EXD2: variants seen among roughly 807,000 people sequenced by gnomAD.
EXD2 encodes exonuclease 3'-5' domain containing 2.
EXD2 carries 40 observed loss-of-function variants against 62.5 expected under a neutral mutation model. The ratio of observed to expected loss-of-function variants is 0.64; its 90% confidence interval spans 0.50 to 0.83. EXD2 has a LOEUF of 0.83. EXD2 is among the 40% of genes least tolerant of loss of function. The pLI, the probability that EXD2 is intolerant of heterozygous loss-of-function variation, is 0.00. For synonymous variants in EXD2, 239 were observed against 291.9 expected, an observed-to-expected ratio of 0.82 and a Z score of 1.85; for missense variants, 671 against 761.8, an observed-to-expected ratio of 0.88 and a Z score of 1.40.
chr14:69,220,114 T>C (rs955669184), intron 3 of EXD2, among the ~76,000 whole-genome samples: 1 of 152,034 alleles, frequency 6.6e-6, no homozygotes. Context: ...TATGCTGTTA[T>C]TGTGTTGAAA....
At chr14:69,207,507 T>G (rs2042645068) in intron 2 of EXD2, among the ~76,000 whole-genome samples, 1 of 152,052 alleles carries the variant, frequency 6.6e-6, no homozygotes, top group African/African-American at 2.4e-5. Flanking sequence ...AAAAAAAAAT[T>G]TAAAGTTATT....
At position 69,209,538 on chromosome 14, in the gene EXD2, T is replaced by G; in HGVS notation, c.68T>G (p.Val23Gly). The G allele has an allele frequency of 6.4e-7, 1 of 1,550,604 alleles. No homozygotes were observed. ...CTGGGTGTGGCTGTAGGGGGGTTTG[T>G]CCTCTGGAAAGGCATCCAGCGCCGC... Reference protein sequence around the residue: ...TLLGVAVGGFVLWKGIQRRRR... With the variant: ...TLLGVAVGGFGLWKGIQRRRR... Residue 23 changes from valine (V) to glycine (G), a missense_variant, in exon 3 of 10, where the codon GTC (valine) becomes GGC (glycine). Physicochemically the swap from Val to Gly is moderately radical, Grantham distance 109. Transcript: ENST00000685843.
intron 1 of EXD2, among the ~76,000 whole-genome samples, chr14:69,196,982 G>A (rs2042228604): frequency 6.6e-6 from 1 of 152,052 alleles, no homozygotes; most frequent in South Asian, 2.1e-4. Context: ...TTGTGGTTTG[G>A]ATTTGCATTT....
chr14:69,199,766 G>A (rs1300467407), intron 1 of EXD2, among the ~76,000 whole-genome samples: 1 of 152,168 alleles, frequency 6.6e-6, no homozygotes, highest in Non-Finnish European at 1.5e-5. Context: ...CAGGCATGGA[G>A]CTGTATCTAT....
chr14:69,201,620 C>G (rs936803432), intron 1 of EXD2, among the ~76,000 whole-genome samples: 2 of 151,284 alleles, frequency 1.3e-5, no homozygotes, highest in African/African-American at 4.9e-5. Context: ...AACTCTTGCT[C>G]CTGTTTGAAT....
Position 69,235,161 on chromosome 14 carries a change from T to A in EXD2, c.1049+130T>A, listed in dbSNP as rs1594781210. On this transcript the variant is annotated intron_variant, in intron 6 of 9. Transcript: ENST00000685843. Reference sequence around the variant, plus strand: ...GCAGCTCTCCCGGGGTTAATCTTGCTTTTTCTTTCCATCAGAGACATTTGG... The same window carrying A: ...GCAGCTCTCCCGGGGTTAATCTTGCATTTTCTTTCCATCAGAGACATTTGG... 6 of 743,634 alleles carry A rather than the reference T, an allele frequency of 8.1e-6. No homozygotes were observed. In the East Asian group the frequency reaches 1.7e-4, roughly 22 times the overall value. 46.1% of individuals were successfully genotyped at this position (743,634 alleles called of 1,614,324 possible). A position where few individuals can be genotyped will look rare whatever the true frequency, so the allele number is the denominator to read the frequency against.
chr14:69,231,387 T>C (rs1392990790), intron 5 of EXD2, among the ~76,000 whole-genome samples: 1 of 152,178 alleles, frequency 6.6e-6, no homozygotes, highest in Non-Finnish European at 1.5e-5. Context: ...AGATACGGTT[T>C]AGTACTCTTG....
intron 1 of EXD2, 71 bp downstream of exon 1, chr14:69,191,662 CAG>C (rs1432735584): frequency 6.6e-6 from 1 of 152,538 alleles, no homozygotes; most frequent in Non-Finnish European, 1.5e-5. Flanking sequence ...GCTTCCAGTG[CAG>C]ACTAAGAGGG....
chr14:69,221,376 T>C (rs2140279081), intron 3 of EXD2, among the ~76,000 whole-genome samples: 1 of 152,366 alleles, frequency 6.6e-6, no homozygotes. Context: ...TGAATAGTTA[T>C]AGAGCTATTA....
intron 3 of EXD2, among the ~76,000 whole-genome samples, chr14:69,220,474 G>A (rs1199760631): frequency 2.7e-5 from 4 of 146,426 alleles, no homozygotes; most frequent in Non-Finnish European, 6.0e-5. Flanking sequence ...GTTTCACTGT[G>A]GTCTCGATCT....
At chr14:69,193,318 C>T (rs1005653700) in intron 1 of EXD2, among the ~76,000 whole-genome samples, 1 of 152,192 alleles carries the variant, frequency 6.6e-6, no homozygotes, top group East Asian at 1.9e-4. Context: ...CTTGGCCTCC[C>T]GAAGTGATGG....
chr14:69,193,803 C>T (rs1364859408), intron 1 of EXD2, among the ~76,000 whole-genome samples: 1 of 151,874 alleles, frequency 6.6e-6, no homozygotes, highest in Non-Finnish European at 1.5e-5. Flanking sequence ...TTTTTGCTCT[C>T]GGGGTTATTT....
At chr14:69,231,026 C>T (rs893656068) in intron 5 of EXD2, among the ~76,000 whole-genome samples, 1 of 152,160 alleles carries the variant, frequency 6.6e-6, no homozygotes, top group Non-Finnish European at 1.5e-5. Flanking sequence ...CTCAAGTGAT[C>T]CACCCACCTC....
rs940146029 is a variant in EXD2, at chr14:69,224,514, C to T, written c.334-4302C>T. 1.8e-4 allele frequency among the ~76,000 whole-genome samples: 27 copies of T among 152,198 alleles called. 1 individual carries two copies. The highest frequency in any genetic ancestry group is 4.6e-4 in the African/African-American group (19 of 41,454). ...ATCACACCCCTACTACCTCCTGAGT[C>T]CAAGCTTCAAGTATCTCTCACCTGG... On this transcript the variant is annotated intron_variant, in intron 3 of 9. Transcript: ENST00000685843.
chr14:69,237,686 C>T lies in EXD2; in HGVS notation c.1404C>T (p.Tyr468=), dbSNP rs764363640. Residue 468 remains tyrosine (Y), a synonymous_variant, in exon 9 of 10, where the codon TAC becomes TAT. Transcript: ENST00000685843. ...CCTCCTGCCATGCCATTTCCAACTA[C>T]TATGACAACCATCTGAAGCAGCAGC... ...LCTSCHAISN[Y]YDNHLKQQLA... The T allele has an allele frequency of 2.5e-6, 4 of 1,614,108 alleles. No homozygotes were observed. In the Admixed American group the frequency reaches 5.0e-5, roughly 20 times the overall value.
At position 69,237,842 on chromosome 14, in the gene EXD2, G is replaced by A. The variant is rs1195995227; in HGVS notation, c.1560G>A (p.Lys520=). 6.2e-7 allele frequency: 1 copy of A among 1,613,068 alleles called. No homozygotes were observed. Among genetic ancestry groups the A allele is most frequent in the African/African-American group, 1.3e-5 (1 of 74,862 alleles). Residue 520 remains lysine, a synonymous_variant, in exon 9 of 10, where the codon AAG becomes AAA. Coordinates refer to ENST00000685843, the MANE Select transcript of EXD2 (RefSeq NM_001193360.2). The part of the protein sequence containing the change: ...LNAESLPTQR[K]EELLQALREF... ...CGGAGAGCCTGCCTACTCAGCGAAA[G>A]GAGGAGCTGCTGCAAGCACTCAGAG... is the stretch of plus-strand genomic sequence containing the variant.
chr14:69,219,511 G>C (rs1429275433), intron 3 of EXD2, among the ~76,000 whole-genome samples: 1 of 152,308 alleles, frequency 6.6e-6, no homozygotes, highest in East Asian at 1.9e-4. Context: ...TATATATCCA[G>C]TAGTGGAATT....
chr14:69,229,489 G>A (rs1418931721), intron 4 of EXD2, among the ~76,000 whole-genome samples: 1 of 152,188 alleles, frequency 6.6e-6, no homozygotes, highest in African/African-American at 2.4e-5. Context: ...CTAGATGGCA[G>A]CATTTGGCTG....
At position 69,241,921 on chromosome 14, in the gene EXD2, C is replaced by T. The variant is rs186328805; in HGVS notation, c.*821C>T. On this transcript the variant is annotated 3_prime_UTR_variant, in exon 10 of 10. Transcript: ENST00000685843. ...AGAACTGCAAGATTTTTAGCTTCAC[C>T]CCTTTCTGAGAGTAATGTTATCTTT... The T allele has an allele frequency of 2.5e-6, 1 of 398,946 alleles. No homozygotes were observed. Among genetic ancestry groups the T allele is most frequent in the East Asian group, 3.6e-5 (1 of 28,078 alleles). The allele number at this position is 398,946 out of a possible 1,614,324, so 24.7% of individuals were successfully genotyped here. A position where few individuals can be genotyped will look rare whatever the true frequency, so the allele number is the denominator to read the frequency against.
Sources: gnomAD v4.1 joint callset for allele counts (sites outside exome capture counted in the v4.1 genomes callset) on GRCh38, gnomAD v4.1.1 for gene constraint, MANE v1.5 for transcripts, NCBI Gene and HGNC (gene_info 2026-07-23, HGNC 2026-07-21) for gene names.